Variants in PEBP4 observed in about 807,000 individuals in gnomAD.
PEBP4 encodes the protein phosphatidylethanolamine binding protein 4.
PEBP4 carries 22 observed loss-of-function variants against 23.9 expected under a neutral mutation model. The observed-to-expected ratio is 0.92, with a 90% confidence interval of 0.66 to 1.31. The LOEUF (loss-of-function observed/expected upper bound fraction) is 1.31, where lower values mean the gene tolerates loss of function less well. Among genes scored for constraint, PEBP4 ranks in the 40% most tolerant of loss-of-function variants. The pLI is 0.00. For missense variants in PEBP4, 324 were observed against 281.7 expected, an observed-to-expected ratio of 1.15 and a Z score of -1.07; for synonymous variants, 112 against 99.3, an observed-to-expected ratio of 1.13 and a Z score of -0.76.
chr8:22,793,479 C>G (rs895527813), intron 4 of PEBP4, among the ~76,000 whole-genome samples: 8 of 149,034 alleles, frequency 5.4e-5, no homozygotes, highest in African/African-American at 2.0e-4. Flanking sequence ...TGGGGTTTCA[C>G]CATGTTGGCC....
At chr8:22,934,799 T>A (rs1221060179) in intron 1 of PEBP4, among the ~76,000 whole-genome samples, 1 of 152,244 alleles carries the variant, frequency 6.6e-6, no homozygotes, top group Non-Finnish European at 1.5e-5. Flanking sequence ...TTAATTGGGT[T>A]CAATGCCTCA....
upstream of PEBP4, among the ~76,000 whole-genome samples, chr8:22,928,615 GAGA>G (rs1278318508): frequency 6.6e-6 from 1 of 152,012 alleles, no homozygotes; most frequent in Non-Finnish European, 1.5e-5. Context: ...AGTGGGCAGG[GAGA>G]AGAATAAAGG....
intron 3 of PEBP4, 66 bp from the exon 4 acceptor site, chr8:22,817,801 AC>A (rs1806776511): frequency 7.0e-7 from 1 of 1,420,894 alleles, no homozygotes; most frequent in African/African-American, 1.4e-5. Flanking sequence ...CACGGGGCAG[AC>A]CTCCTTTTCC....
At chr8:22,887,070 G>C (rs2128773750) in intron 3 of PEBP4, 2 of 151,852 alleles carry the variant, frequency 1.3e-5, no homozygotes, top group East Asian at 3.9e-4. Flanking sequence ...CCAAGTTACT[G>C]GGCCTTGAGG....
chr8:22,915,148 C>T (rs953368691), intron 3 of PEBP4, among the ~76,000 whole-genome samples: 7 of 152,108 alleles, frequency 4.6e-5, no homozygotes, highest in African/African-American at 1.7e-4. Flanking sequence ...ATGGTCCATG[C>T]CATCACCTAG....
At chr8:22,777,198 C>T (rs1260093415) in intron 4 of PEBP4, among the ~76,000 whole-genome samples, 4 of 152,136 alleles carry the variant, frequency 2.6e-5, no homozygotes, top group African/African-American at 4.8e-5. Flanking sequence ...TTCCCTCTTT[C>T]CTTCTGCTTC....
intron 3 of PEBP4, among the ~76,000 whole-genome samples, chr8:22,844,153 T>G (rs539706343): frequency 6.6e-6 from 1 of 152,348 alleles, no homozygotes; most frequent in East Asian, 1.9e-4. Context: ...ATTTTCCAGC[T>G]GACAGAGAAA....
At chr8:22,810,576 G>A (rs926640076) in intron 4 of PEBP4, among the ~76,000 whole-genome samples, 1 of 151,984 alleles carries the variant, frequency 6.6e-6, no homozygotes, top group Non-Finnish European at 1.5e-5. Context: ...TGCCCATGAA[G>A]GAGTGCCAGG....
intron 6 of PEBP4, among the ~76,000 whole-genome samples, chr8:22,717,681 C>T (rs1325802337): frequency 6.6e-6 from 1 of 152,214 alleles, no homozygotes; most frequent in South Asian, 2.1e-4. Flanking sequence ...CGGCTCCGAA[C>T]AGCCCTGTTC....
At chr8:22,794,065 C>T (rs924773897) in intron 4 of PEBP4, among the ~76,000 whole-genome samples, 1 of 152,046 alleles carries the variant, frequency 6.6e-6, no homozygotes, top group Non-Finnish European at 1.5e-5. Flanking sequence ...TTTGCATTTC[C>T]AACTGCCAGG....
intron 3 of PEBP4, among the ~76,000 whole-genome samples, chr8:22,851,567 C>T (rs985748956): frequency 6.6e-6 from 1 of 152,168 alleles, no homozygotes; most frequent in Non-Finnish European, 1.5e-5. Context: ...GCAAGGTCTT[C>T]TAACTCATGT....
intron 4 of PEBP4, among the ~76,000 whole-genome samples, chr8:22,752,755 G>A (rs1805296283): frequency 6.6e-6 from 1 of 152,230 alleles, no homozygotes; most frequent in Admixed American, 6.5e-5. Flanking sequence ...ATTCTGGAGA[G>A]GCAGGATTCC....
intron 3 of PEBP4, among the ~76,000 whole-genome samples, chr8:22,913,039 C>T (rs74539070): frequency 0.012 from 1,869 of 152,322 alleles, 19 homozygotes; most frequent in African/African-American, 0.03. Context: ...GAAAGTCCAA[C>T]TCTTCTTTTG....
At chr8:22,727,325 G>A (rs62494328) in intron 4 of PEBP4, 105 bp from the exon 5 acceptor site, 13 of 1,085,420 alleles carry the variant, frequency 1.2e-5, no homozygotes, top group African/African-American at 5.8e-5. Context: ...GGATGGGAGA[G>A]GAAGGAGGAT....
chr8:22,856,291 G>T (rs539059487), intron 3 of PEBP4, among the ~76,000 whole-genome samples: 1 of 152,018 alleles, frequency 6.6e-6, no homozygotes, highest in Non-Finnish European at 1.5e-5. Context: ...ATCAATTAGG[G>T]TACTATTTTT....
chr8:22,731,288 C>G (rs1050789479), intron 4 of PEBP4, among the ~76,000 whole-genome samples: 6 of 152,124 alleles, frequency 3.9e-5, no homozygotes, highest in Non-Finnish European at 7.3e-5. Flanking sequence ...CAAGACCAAC[C>G]CCTTCTCTTC....
intron 3 of PEBP4, chr8:22,885,260 A>G (rs1808349956): frequency 1.3e-5 from 2 of 152,152 alleles, no homozygotes. Flanking sequence ...TTTTCCAACA[A>G]TCATGAGATG....
intron 2 of PEBP4, 99 bp downstream of exon 2, chr8:22,927,485 T>TCA: frequency 7.1e-7 from 1 of 1,407,074 alleles, no homozygotes; most frequent in Non-Finnish European, 9.5e-7. Flanking sequence ...AAAATCAGGC[T>TCA]CAGGAGATGG....
intron 4 of PEBP4, among the ~76,000 whole-genome samples, chr8:22,749,235 C>T (rs1805193275): frequency 6.6e-6 from 1 of 152,186 alleles, no homozygotes; most frequent in Non-Finnish European, 1.5e-5. Context: ...CCTTCTTTAT[C>T]ATAGCTGGCA....
Sources: gnomAD v4.1 joint callset for allele counts (sites outside exome capture counted in the v4.1 genomes callset) on GRCh38, gnomAD v4.1.1 for gene constraint, MANE v1.5 for transcripts, NCBI Gene and HGNC (gene_info 2026-07-23, HGNC 2026-07-21) for gene names.